Variants in GRM1 observed in about 807,000 individuals in gnomAD.
GRM1 encodes glutamate metabotropic receptor 1, also known as metabotropic glutamate receptor 1.
A neutral mutation model predicts 90.9 loss-of-function variants in GRM1; 33 were observed. The ratio of observed to expected loss-of-function variants is 0.36; its 90% confidence interval spans 0.28 to 0.49. GRM1 has a LOEUF of 0.49. Ranked by LOEUF, GRM1 falls within the 20% of genes least tolerant of loss-of-function variation. The pLI is 0.99. For synonymous variants in GRM1, 700 were observed against 613.2 expected, an observed-to-expected ratio of 1.14 and a Z score of -2.09; for missense variants, 1,190 against 1,534.3, an observed-to-expected ratio of 0.78 and a Z score of 3.75.
intron 3 of GRM1, among the ~76,000 whole-genome samples, chr6:146,350,125 A>G (rs537277323): frequency 1.3e-5 from 2 of 152,380 alleles, no homozygotes; most frequent in African/African-American, 4.8e-5. Context: ...ATCCAAGAAC[A>G]GTTCCTGTCT....
chr6:146,188,975 A>T (rs1332136517), intron 2 of GRM1, among the ~76,000 whole-genome samples: 6 of 152,188 alleles, frequency 3.9e-5, no homozygotes, highest in Non-Finnish European at 8.8e-5. Context: ...CTACTGTGCT[A>T]AAAGCTGGGA....
intron 1 of GRM1, among the ~76,000 whole-genome samples, chr6:146,030,653 A>C (rs1364864536): frequency 2.0e-5 from 3 of 152,216 alleles, no homozygotes. Flanking sequence ...ATAGGACTTC[A>C]AAGCTTTATC....
At chr6:146,083,297 C>T (rs1582977568) in intron 1 of GRM1, among the ~76,000 whole-genome samples, 2 of 152,264 alleles carry the variant, frequency 1.3e-5, no homozygotes, top group East Asian at 3.9e-4. Flanking sequence ...GAGAGAGCAT[C>T]CTTGTCTTGT....
chr6:146,414,761 C>A (rs1322672136), intron 7 of GRM1, among the ~76,000 whole-genome samples: 1 of 152,174 alleles, frequency 6.6e-6, no homozygotes, highest in Admixed American at 6.5e-5. Flanking sequence ...TTATTTATTG[C>A]AAATATTTTT....
intron 2 of GRM1, among the ~76,000 whole-genome samples, chr6:146,179,083 C>T (rs755911061): frequency 1.2e-4 from 19 of 152,150 alleles, no homozygotes; most frequent in Admixed American, 5.2e-4. Flanking sequence ...ATAGGAAATA[C>T]AGAGTACCAG....
At chr6:146,414,546 G>A (rs1427825996) in intron 7 of GRM1, among the ~76,000 whole-genome samples, 3 of 152,002 alleles carry the variant, frequency 2.0e-5, no homozygotes, top group Non-Finnish European at 4.4e-5. Flanking sequence ...GGGACTACAG[G>A]CGCCCGCCAC....
chr6:146,413,308 T>A (rs1259187191), intron 7 of GRM1, among the ~76,000 whole-genome samples: 1 of 152,166 alleles, frequency 6.6e-6, no homozygotes, highest in Admixed American at 6.5e-5. Flanking sequence ...AAATATATTT[T>A]TCTTTTTCTA....
intron 5 of GRM1, among the ~76,000 whole-genome samples, chr6:146,369,169 A>G (rs1178401507): frequency 6.6e-6 from 1 of 151,816 alleles, no homozygotes; most frequent in African/African-American, 2.4e-5. Context: ...TTTCTGTGGT[A>G]TCAATTGTGG....
chr6:146,043,653 C>T (rs1791198640), intron 1 of GRM1, among the ~76,000 whole-genome samples: 1 of 151,382 alleles, frequency 6.6e-6, no homozygotes, highest in African/African-American at 2.4e-5. Context: ...AAAATTAATG[C>T]TCAATCACAG....
rs113736092 is a variant in GRM1, at chr6:146,358,349, T to C, written c.1602+655T>C. ...AAGAGGCTTCTTGATGAAGAAAGCA[T>C]GGAGGCAACACTCTCTGTATCCCAG... On this transcript the variant is annotated intron_variant, in intron 5 of 7. Coordinates refer to ENST00000282753, the MANE Select transcript of GRM1 (RefSeq NM_001278064.2). Among the ~76,000 whole-genome samples, 244 of 152,254 alleles carry C rather than the reference T, an allele frequency of 1.6e-3. 2 individuals are homozygous for C. The Middle Eastern group carries it at 0.027, about 17-fold the overall frequency.
intron 1 of GRM1, among the ~76,000 whole-genome samples, chr6:146,047,212 C>A (rs1230751088): frequency 6.6e-6 from 1 of 151,792 alleles, no homozygotes; most frequent in East Asian, 1.9e-4. Context: ...TAGAGTAGAC[C>A]CTCTTTTGCA....
At chr6:146,060,064 T>A (rs927636262) in intron 1 of GRM1, among the ~76,000 whole-genome samples, 1 of 152,120 alleles carries the variant, frequency 6.6e-6, no homozygotes, top group Non-Finnish European at 1.5e-5. Context: ...TCAGGGACTT[T>A]TTATTTGCAT....
At chr6:146,159,200 C>A in intron 1 of GRM1, 148 bp from the exon 2 acceptor site, 1 of 890,752 alleles carries the variant, frequency 1.1e-6, no homozygotes, top group South Asian at 1.4e-5. Context: ...TTTAATCCAT[C>A]CAGATCTTCC....
intron 1 of GRM1, among the ~76,000 whole-genome samples, chr6:146,044,050 G>T (rs1218922541): frequency 1.3e-5 from 2 of 151,604 alleles, no homozygotes; most frequent in African/African-American, 2.4e-5. Context: ...TCCTTTCTTG[G>T]CTCAGATGCT....
intron 2 of GRM1, among the ~76,000 whole-genome samples, chr6:146,176,453 G>T (rs898693641): frequency 6.6e-6 from 1 of 151,946 alleles, no homozygotes; most frequent in African/African-American, 2.4e-5. Flanking sequence ...AGCTTCTCTG[G>T]TCAATTGAGG....
intron 2 of GRM1, among the ~76,000 whole-genome samples, chr6:146,240,369 C>G (rs1780809804): frequency 6.6e-6 from 1 of 151,828 alleles, no homozygotes; most frequent in African/African-American, 2.4e-5. Flanking sequence ...GTTAAGGGAA[C>G]CACCGAGAAA....
chr6:146,205,242 A>G (rs1225148950), intron 2 of GRM1, among the ~76,000 whole-genome samples: 2 of 152,188 alleles, frequency 1.3e-5, no homozygotes, highest in East Asian at 3.9e-4. Flanking sequence ...TTTTCCACAA[A>G]GCTAATTTCT....
chr6:146,357,445 A>G (rs1785629219), intron 4 of GRM1, 81 bp from the exon 5 acceptor site: 5 of 1,123,392 alleles, frequency 4.5e-6, no homozygotes, highest in East Asian at 2.4e-5. Context: ...TCTTGTTTCT[A>G]TTATTATCTA....
intron 2 of GRM1, among the ~76,000 whole-genome samples, chr6:146,264,886 A>G (rs901067651): frequency 6.6e-6 from 1 of 152,214 alleles, no homozygotes; most frequent in Non-Finnish European, 1.5e-5. Context: ...TTATGGCTGC[A>G]TAATATTCCA....
Sources: gnomAD v4.1 joint callset for allele counts (sites outside exome capture counted in the v4.1 genomes callset) on GRCh38, gnomAD v4.1.1 for gene constraint, MANE v1.5 for transcripts, NCBI Gene and HGNC (gene_info 2026-07-23, HGNC 2026-07-21) for gene names.